The following TRPT1 variants were observed in gnomAD, a reference collection of about 807,000 sequenced individuals.
TRPT1 encodes tRNA 2'-phosphotransferase 1.
Under a neutral mutation model 28.4 loss-of-function variants are expected in TRPT1, and 22 were observed. The observed-to-expected ratio is 0.78, with a 90% CI of 0.55 to 1.11. TRPT1 has a LOEUF of 1.11. Among genes scored for constraint, TRPT1 ranks in the 50% least tolerant of loss-of-function variants. The pLI, the probability that TRPT1 is intolerant of heterozygous loss-of-function variation, is 0.00. For synonymous variants in TRPT1, 137 were observed against 132.4 expected, an observed-to-expected ratio of 1.03 and a Z score of -0.24; for missense variants, 308 against 317.7, an observed-to-expected ratio of 0.97 and a Z score of 0.23.
Position 64,225,536 on chromosome 11 carries a change from G to T in TRPT1, c.120C>A (p.Arg40=), listed in dbSNP as rs942423012. The change falls in exon 3 of 8, where the codon CGC becomes CGA. Residue 40 remains arginine, a synonymous_variant. Coordinates refer to ENST00000317459, the MANE Select transcript of TRPT1 (RefSeq NM_001033678.4). ...QLSKALSYAL[R]HGALKLGLPM... ...GAAGCCCCAGCTTCAAGGCCCCATGGCGCAGGGCATAGGACAGAGCCTTGG... is the reference window on the plus strand; with the variant it reads ...GAAGCCCCAGCTTCAAGGCCCCATGTCGCAGGGCATAGGACAGAGCCTTGG... 6.2e-7 allele frequency: 1 copy of T among 1,613,150 alleles called. No individual in the cohort carries two copies. Among genetic ancestry groups the T allele is most frequent in the Non-Finnish European group, 8.5e-7 (1 of 1,179,756 alleles).
rs1254182020 is a variant in TRPT1 at position 64,225,779 on chromosome 11, C to A, written c.75+7G>T. ...CTGGTGGGAGGGGGTGGGGAGGAGG[C>A]GCGCACCTGTTCTCGGGGTCTGGGA... On this transcript the variant is annotated splice_region_variant and intron_variant, in intron 2 of 7. Transcript: ENST00000317459. 3.2e-6 allele frequency: 5 copies of A among 1,546,614 alleles called. No individual in the cohort carries two copies. Among genetic ancestry groups the A allele is most frequent in the South Asian group, 1.2e-5 (1 of 84,078 alleles).
chr11:64,225,707 G>C, intron 2 of TRPT1, 79 bp downstream of exon 2: 1 of 1,392,206 alleles, frequency 7.2e-7, no homozygotes, highest in East Asian at 2.5e-5. Context: ...TCCAGGAATA[G>C]TAGGACCCTT....
In TRPT1 at chr11:64,225,574, C is replaced by T. The variant is rs146514330; in HGVS notation, c.82G>A (p.Asp28Asn). 1.2e-6 allele frequency: 2 copies of T among 1,610,828 alleles called. No homozygotes were observed. Among genetic ancestry groups the T allele is most frequent in the African/African-American group, 1.3e-5 (1 of 74,994 alleles). Residue 28 changes from aspartate (D) to asparagine (N), a missense_variant, in exon 3 of 8, where the codon GAC becomes AAC. Physicochemically the swap from Asp to Asn is conservative, Grantham distance 23. Transcript: ENST00000317459. ...GACAGAGCCTTGGACAGCTGCACGT[C>T]TCGGTCCTGAAAGAACCCAGCGGTG... ...RAPRPREQDR[D>N]VQLSKALSYA...
chr11:64,224,006 A>C, intron 7 of TRPT1, 39 bp from the exon 8 acceptor site: 1 of 1,596,112 alleles, frequency 6.3e-7, no homozygotes, highest in Non-Finnish European at 8.6e-7. Context: ...AGGGACACCT[A>C]AGTCAGTCTA....
chr11:64,224,515 G>A, intron 5 of TRPT1, 28 bp downstream of exon 5: 1 of 1,564,004 alleles, frequency 6.4e-7, no homozygotes, highest in Non-Finnish European at 8.7e-7. Flanking sequence ...GTGGGTGGGA[G>A]TAGCTAGGTG....
At chr11:64,224,505 G>C (rs1246164422) in intron 5 of TRPT1, 38 bp downstream of exon 5, 1 of 1,566,472 alleles carries the variant, frequency 6.4e-7, no homozygotes, top group Admixed American at 1.8e-5. Flanking sequence ...GGAGGACAGA[G>C]TGGGTGGGAG....
intron 2 of TRPT1, 98 bp downstream of exon 2, chr11:64,225,688 C>A: frequency 7.3e-7 from 1 of 1,370,720 alleles, no homozygotes; most frequent in Non-Finnish European, 1.0e-6. Flanking sequence ...GAAAGGAGTG[C>A]CAGTGGTCTC....
Position 64,223,896 on chromosome 11 carries a change from T to C in TRPT1, c.742A>G (p.Arg248Gly). The change falls in exon 8 of 8, where the codon AGG becomes GGG. Residue 248 changes from arginine (R) to glycine (G), a missense_variant. Physicochemically the swap from Arg to Gly is moderately radical, Grantham distance 125. Transcript: ENST00000317459. ...ATATTTTATTGTTGGATCCTCCTCC[T>C]TTCTCTGGAGCTGTGCTTGGGGCTA... is the stretch of plus-strand genomic sequence containing the variant. ...QSSPKHSSRE[R>G]RRIQQ The C allele has an allele frequency of 1.2e-6, 2 of 1,608,758 alleles. No individual in the cohort carries two copies. Among genetic ancestry groups the C allele is most frequent in the Non-Finnish European group, 1.7e-6 (2 of 1,177,356 alleles).
chr11:64,225,462 C>G lies in TRPT1; in HGVS notation c.157+37G>C, dbSNP rs181317492. The G allele has an allele frequency of 1.6e-3, 2,559 of 1,575,894 alleles. 40 individuals are homozygous for G. In the South Asian group the frequency reaches 0.024, roughly 15 times the overall value. ...GTCGCAGACAGGCTCACGTTTCTCT[C>G]TGGGCTCAAGCCCCAGCCTCCAAGG... On this transcript the variant is annotated intron_variant, in intron 3 of 7. Transcript: ENST00000317459.
intron 2 of TRPT1, 25 bp downstream of exon 2, chr11:64,225,761 G>T (rs1021324349): frequency 1.3e-6 from 2 of 1,528,230 alleles, no homozygotes; most frequent in East Asian, 4.9e-5. Flanking sequence ...GGACTGGTGG[G>T]AGGGGGTGGG....
rs1789345193 is a variant in TRPT1 at position 64,225,528 on chromosome 11, G to A, written c.128C>T (p.Ala43Val). ...TCCCATGGGAAGCCCCAGCTTCAAG[G>A]CCCCATGGCGCAGGGCATAGGACAG... ...KALSYALRHG[A>V]LKLGLPMGAD... is the part of the protein sequence containing the mutation. Residue 43 changes from alanine to valine, a missense_variant, in exon 3 of 8, where the codon GCC becomes GTC. By Grantham distance (64) the Ala-to-Val change is moderately conservative (BLOSUM62 0). Coordinates refer to ENST00000317459, the MANE Select transcript of TRPT1 (RefSeq NM_001033678.4). 1 of 1,613,136 alleles carries A rather than the reference G, an allele frequency of 6.2e-7. No homozygotes were observed. The highest frequency in any genetic ancestry group is 8.5e-7 in the Non-Finnish European group (1 of 1,179,760).
rs140410065 is a variant in TRPT1, at chr11:64,224,375, C to T, written c.503-34G>A. On this transcript the variant is annotated intron_variant, in intron 5 of 7. Coordinates refer to ENST00000317459, the MANE Select transcript of TRPT1 (RefSeq NM_001033678.4). Reference sequence around the variant, plus strand: ...ACAGCTGGAGCTGAGGCCTGGGCACCTGGAGTGCAGTCAGCAACCTAGGCA... The same window carrying T: ...ACAGCTGGAGCTGAGGCCTGGGCACTTGGAGTGCAGTCAGCAACCTAGGCA... The T allele has an allele frequency of 1.9e-3, 3,014 of 1,612,972 alleles. 25 individuals carry two copies. In the Middle Eastern group the frequency reaches 0.021, roughly 11 times the overall value.
chr11:64,224,041 A>ATCAC (rs775061103), intron 7 of TRPT1, 59 bp downstream of exon 7: 4 of 1,585,894 alleles, frequency 2.5e-6, no homozygotes, highest in Non-Finnish European at 3.5e-6. Context: ...GAGAGAGGTG[A>ATCAC]GGGCAGAAGG....
chr11:64,223,919 C>A lies in TRPT1; in HGVS notation c.719G>T (p.Ser240Ile), dbSNP rs1311392511. ...AGDEETECQSSPKHSSRERRR... is the reference protein window; with the variant it reads ...AGDEETECQSIPKHSSRERRR... ...CCTTTCTCTGGAGCTGTGCTTGGGGCTACTCTGACACTCTGTCTCTTCATC... is the reference window on the plus strand; with the variant it reads ...CCTTTCTCTGGAGCTGTGCTTGGGGATACTCTGACACTCTGTCTCTTCATC... The change falls in exon 8 of 8, where the codon AGC becomes ATC. Residue 240 changes from serine to isoleucine, a missense_variant. Ser to Ile is a moderately radical substitution (Grantham distance 142). Transcript: ENST00000317459. 6.2e-7 allele frequency: 1 copy of A among 1,613,912 alleles called. No individual in the cohort carries two copies. The highest frequency in any genetic ancestry group is 8.5e-7 in the Non-Finnish European group (1 of 1,179,870).
In TRPT1 at chr11:64,225,844, C is replaced by T; in HGVS notation, c.17G>A (p.Gly6Glu). 2 of 1,555,556 alleles carry T rather than the reference C, an allele frequency of 1.3e-6. No homozygotes were observed. The highest frequency in any genetic ancestry group is 8.7e-7 in the Non-Finnish European group (1 of 1,148,716). MNFSG[G>E]GRQEAAGSRG... Reference sequence around the variant, plus strand: ...GGACCCTGCTGCTTCCTGCCTCCCTCCTCCAGAGAAGTTCATGGTTAAGAC... The same window carrying T: ...GGACCCTGCTGCTTCCTGCCTCCCTTCTCCAGAGAAGTTCATGGTTAAGAC... The change falls in exon 2 of 8, where the codon GGA becomes GAA. Residue 6 changes from glycine (G) to glutamate (E), a missense_variant. By Grantham distance (98) the Gly-to-Glu change is moderately conservative (BLOSUM62 -2). Coordinates refer to ENST00000317459, the MANE Select transcript of TRPT1 (RefSeq NM_001033678.4).
Position 64,223,817 on chromosome 11 carries a change from G to A in TRPT1, c.*59C>T. 8.4e-7 allele frequency: 1 copy of A among 1,196,344 alleles called. No individual in the cohort carries two copies. Among genetic ancestry groups the A allele is most frequent in the Non-Finnish European group, 1.2e-6 (1 of 845,614 alleles). The allele number at this position is 1,196,344 out of a possible 1,614,324, so 74.1% of individuals were successfully genotyped here. ...ATGTAGCTACAGGATGATGAAACAT[G>A]GTTTCAAACGAGTTCTTTCTTGTTA... On this transcript the variant is annotated 3_prime_UTR_variant, in exon 8 of 8. Transcript: ENST00000317459.
chr11:64,224,031 G>C (rs1946803025), intron 7 of TRPT1, 64 bp from the exon 8 acceptor site: 1 of 1,588,714 alleles, frequency 6.3e-7, no homozygotes, highest in Non-Finnish European at 8.6e-7. Context: ...TGGAAGCTAG[G>C]AGAGAGGTGA....
downstream of TRPT1, chr11:64,223,807 G>T: frequency 8.9e-7 from 1 of 1,128,364 alleles, no homozygotes; most frequent in Non-Finnish European, 1.3e-6. Flanking sequence ...GCTACAGGAT[G>T]ATGAAACATG....
rs769595111 is a variant in TRPT1 at position 64,224,582 on chromosome 11, G to A, written c.463C>T (p.Leu155=). The A allele has an allele frequency of 3.1e-6, 5 of 1,587,612 alleles. No homozygotes were observed. Among genetic ancestry groups the A allele is most frequent in the Non-Finnish European group, 4.3e-6 (5 of 1,165,772 alleles). The change falls in exon 5 of 8, where the codon CTG becomes TTG. Residue 155 remains leucine (L), a synonymous_variant. Transcript: ENST00000317459. ...LSCQGRTHIH[L]APGLPGDPGI... is the part of the protein sequence containing the mutation. ...GGGTCTCCAGGCAGTCCTGGGGCCAGGTGAATGTGCGTCCTTCCCTGGCAG... is the reference window on the plus strand; with the variant it reads ...GGGTCTCCAGGCAGTCCTGGGGCCAAGTGAATGTGCGTCCTTCCCTGGCAG...
Sources: gnomAD v4.1 joint callset for allele counts on GRCh38, gnomAD v4.1.1 for gene constraint, MANE v1.5 for transcripts, NCBI Gene and HGNC (gene_info 2026-07-23, HGNC 2026-07-21) for gene names.